SLAIN1: variants seen among roughly 807,000 people sequenced by gnomAD.
The protein encoded by SLAIN1 is SLAIN family member 1.
Under a neutral mutation model 55.4 loss-of-function variants are expected in SLAIN1, and 17 were observed. The observed-to-expected ratio is 0.31, with a 90% CI of 0.21 to 0.46. The LOEUF is 0.46. SLAIN1 is among the 20% of genes least tolerant of loss of function. The pLI is 1.00. For missense variants in SLAIN1, 682 were observed against 785.1 expected, an observed-to-expected ratio of 0.87 and a Z score of 1.57; for synonymous variants, 348 against 337.4, an observed-to-expected ratio of 1.03 and a Z score of -0.35.
chr13:77,739,756 C>T (rs893108034), intron 2 of SLAIN1, among the ~76,000 whole-genome samples: 8 of 152,004 alleles, frequency 5.3e-5, no homozygotes, highest in Non-Finnish European at 1.0e-4. Flanking sequence ...TCCTTAAACC[C>T]ATTCTGTCGT....
chr13:77,724,445 G>A (rs547181958), intron 2 of SLAIN1, among the ~76,000 whole-genome samples: 13 of 152,266 alleles, frequency 8.5e-5, no homozygotes, highest in African/African-American at 2.6e-4. Context: ...TGACCATCCC[G>A]AGTGTGATAA....
intron 2 of SLAIN1, among the ~76,000 whole-genome samples, chr13:77,743,637 T>C (rs1873608818): frequency 6.6e-6 from 1 of 151,622 alleles, no homozygotes; most frequent in Non-Finnish European, 1.5e-5. Context: ...TCCTATAGCC[T>C]TCTTCTATTT....
intron 6 of SLAIN1, among the ~76,000 whole-genome samples, chr13:77,761,713 G>A (rs1875035409): frequency 6.6e-6 from 1 of 152,136 alleles, no homozygotes; most frequent in Non-Finnish European, 1.5e-5. Flanking sequence ...GGTAAGTTCA[G>A]TATGGTCCAG....
intron 2 of SLAIN1, among the ~76,000 whole-genome samples, chr13:77,742,427 T>C (rs561916602): frequency 4.5e-4 from 69 of 152,098 alleles, no homozygotes; most frequent in Middle Eastern, 3.4e-3. Context: ...CCTCTGTTAC[T>C]CTGTACACTG....
At chr13:77,711,689 A>G (rs1415080714) in intron 1 of SLAIN1, among the ~76,000 whole-genome samples, 2 of 152,168 alleles carry the variant, frequency 1.3e-5, no homozygotes, top group Non-Finnish European at 2.9e-5. Flanking sequence ...TATTCCAAAC[A>G]ATAGAAAGAG....
chr13:77,747,799 G>T (rs1873939761), intron 4 of SLAIN1, among the ~76,000 whole-genome samples: 1 of 152,126 alleles, frequency 6.6e-6, no homozygotes, highest in South Asian at 2.1e-4. Flanking sequence ...GTTGCTGTCT[G>T]TGTCATTCGT....
chr13:77,701,754 CTTTA>C (rs201846236), intron 1 of SLAIN1, among the ~76,000 whole-genome samples: 47 of 148,716 alleles, frequency 3.2e-4, no homozygotes, highest in Admixed American at 9.4e-4. Flanking sequence ...TTCTTTCTTT[CTTTA>C]CTTATTTATT....
At chr13:77,703,315 T>A (rs186602150) in intron 1 of SLAIN1, among the ~76,000 whole-genome samples, 1 of 152,154 alleles carries the variant, frequency 6.6e-6, no homozygotes, top group East Asian at 1.9e-4. Flanking sequence ...GACAGCTGGC[T>A]AACATCATTG....
Position 77,698,287 on chromosome 13 carries a change from C to A in SLAIN1, c.374C>A (p.Thr125Asn), listed in dbSNP as rs2090994536. 1 of 1,431,846 alleles carries A rather than the reference C, an allele frequency of 7.0e-7. No individual in the cohort carries two copies. The highest frequency in any genetic ancestry group is 9.2e-7 in the Non-Finnish European group (1 of 1,092,364). The allele number at this position is 1,431,846 out of a possible 1,614,324, so 88.7% of individuals were successfully genotyped here. The part of the protein sequence containing the change: ...GGGSSPAFPG[T>N]FCLPSPAPSL... ...GGCTCCAGCCCCGCGTTCCCGGGCA[C>A]CTTCTGCCTGCCTAGCCCCGCGCCC... is the stretch of plus-strand genomic sequence containing the variant. The change falls in exon 1 of 7, where the codon ACC becomes AAC. Residue 125 changes from threonine to asparagine, a missense_variant. Physicochemically the swap from Thr to Asn is moderately conservative, Grantham distance 65. This residue lies in a region of SLAIN1 where 401 missense variants were observed against 417.3 expected (regional missense o/e 0.96). Transcript: ENST00000418532. The surrounding 1 kb of genome is among the most constrained non-coding windows in gnomAD (Gnocchi z 4.1).
chr13:77,760,922 T>G lies in SLAIN1; in HGVS notation c.1509T>G (p.Ser503Arg). 6.2e-7 allele frequency: 1 copy of G among 1,614,044 alleles called. No individual in the cohort carries two copies. Among genetic ancestry groups the G allele is most frequent in the Non-Finnish European group, 8.5e-7 (1 of 1,180,000 alleles). ...RQPLKATAYVSPTVQGSSNMP... is the reference protein window; with the variant it reads ...RQPLKATAYVRPTVQGSSNMP... Reference sequence around the variant, plus strand: ...CTCTTAAAGCCACAGCCTATGTGAGTCCAACCGTTCAAGGCAGCAGTAACA... The same window carrying G: ...CTCTTAAAGCCACAGCCTATGTGAGGCCAACCGTTCAAGGCAGCAGTAACA... The change falls in exon 6 of 7, where the codon AGT (serine) becomes AGG (arginine). Residue 503 changes from serine to arginine, a missense_variant. Transcript: ENST00000418532.
intron 2 of SLAIN1, chr13:77,741,060 C>T (rs1018490530): frequency 2.6e-5 from 17 of 658,148 alleles, no homozygotes; most frequent in Non-Finnish European, 3.2e-5. Context: ...GTCAATTGTG[C>T]AGGGAGGCTG....
chr13:77,698,097 C>T lies in SLAIN1; in HGVS notation c.184C>T (p.Leu62=), dbSNP rs2064420892. 1 of 1,145,080 alleles carries T rather than the reference C, an allele frequency of 8.7e-7. No individual in the cohort carries two copies. Among genetic ancestry groups the T allele is most frequent in the Non-Finnish European group, 1.1e-6 (1 of 941,712 alleles). The allele number at this position is 1,145,080 out of a possible 1,614,324, so 70.9% of individuals were successfully genotyped here. The part of the protein sequence containing the change: ...SAAAAPHLLL[L]PPPPPAAPPP... ...GGCCGCCGCCCCGCACCTGCTGCTG[C>T]TGCCGCCGCCGCCGCCCGCCGCGCC... Residue 62 remains leucine (L), a synonymous_variant, in exon 1 of 7, where the codon CTG becomes TTG. Coordinates refer to ENST00000418532, the MANE Select transcript of SLAIN1 (RefSeq NM_001242868.2). This position sits in a 1 kb window ranked among gnomAD's most constrained non-coding sequence, Gnocchi z 4.1.
intron 4 of SLAIN1, among the ~76,000 whole-genome samples, chr13:77,750,116 A>G (rs1307166378): frequency 6.6e-6 from 1 of 152,232 alleles, no homozygotes; most frequent in Non-Finnish European, 1.5e-5. Flanking sequence ...TCAGGAGATC[A>G]ATATGCATTT....
chr13:77,723,955 T>A (rs905421052), intron 2 of SLAIN1, among the ~76,000 whole-genome samples: 2 of 151,708 alleles, frequency 1.3e-5, no homozygotes, highest in African/African-American at 2.4e-5. Context: ...AAACACATCT[T>A]CTAAACTCTA....
chr13:77,706,701 C>A (rs1200983818), intron 1 of SLAIN1, among the ~76,000 whole-genome samples: 1 of 152,108 alleles, frequency 6.6e-6, no homozygotes, highest in East Asian at 1.9e-4. Context: ...TGGGGCACAG[C>A]CTTCAATAGC....
In SLAIN1 at chr13:77,746,694, C is replaced by T. The variant is rs140798798; in HGVS notation, c.1097C>T (p.Pro366Leu). 1,964 of 1,613,824 alleles carry T rather than the reference C, an allele frequency of 1.2e-3. 4 individuals carry two copies. The highest frequency in any genetic ancestry group is 1.5e-3 in the Non-Finnish European group (1,822 of 1,179,828). ...CAGCCTCGTCTTCCAAGATGTTCCCCTTTCCAAAGAGGAATTCCCCATTCA... is the reference window on the plus strand; with the variant it reads ...CAGCCTCGTCTTCCAAGATGTTCCCTTTTCCAAAGAGGAATTCCCCATTCA... ...PPQPRLPRCS[P>L]FQRGIPHSQT... Residue 366 changes from proline (P) to leucine (L), a missense_variant, in exon 4 of 7, where the codon CCT becomes CTT. Around this residue, in one of 3 missense-constraint regions of SLAIN1, gnomAD observed 244 missense variants for 295.2 expected, o/e 0.83. Transcript: ENST00000418532.
chr13:77,698,256 G>T lies in SLAIN1; in HGVS notation c.343G>T (p.Gly115Cys). 7.2e-7 allele frequency: 1 copy of T among 1,393,804 alleles called. No homozygotes were observed. Among genetic ancestry groups the T allele is most frequent in the South Asian group, 1.5e-5 (1 of 67,822 alleles). The allele number at this position is 1,393,804 out of a possible 1,614,324, so 86.3% of individuals were successfully genotyped here. Residue 115 changes from glycine (G) to cysteine (C), a missense_variant, in exon 1 of 7, where the codon GGC becomes TGC. By Grantham distance (159) the Gly-to-Cys change is radical. This residue lies in a region of SLAIN1 where 401 missense variants were observed against 417.3 expected (regional missense o/e 0.96). Coordinates refer to ENST00000418532, the MANE Select transcript of SLAIN1 (RefSeq NM_001242868.2). This position sits in a 1 kb window ranked among gnomAD's most constrained non-coding sequence, Gnocchi z 4.1. Reference sequence around the variant, plus strand: ...CGGTGGCGGCAGCGGTAGTGGCAGCGGCGGTGGCTCCAGCCCCGCGTTCCC... The same window carrying T: ...CGGTGGCGGCAGCGGTAGTGGCAGCTGCGGTGGCTCCAGCCCCGCGTTCCC... ...GGGGGSGSGS[G>C]GGSSPAFPGT...
At chr13:77,750,665 A>G (rs766658201) in intron 4 of SLAIN1, among the ~76,000 whole-genome samples, 1 of 152,198 alleles carries the variant, frequency 6.6e-6, no homozygotes, top group Non-Finnish European at 1.5e-5. Flanking sequence ...AATAGGCATC[A>G]AGAAGATAAT....
intron 4 of SLAIN1, among the ~76,000 whole-genome samples, chr13:77,749,618 C>T (rs1440421832): frequency 2.0e-5 from 3 of 152,180 alleles, no homozygotes; most frequent in African/African-American, 7.2e-5. Flanking sequence ...CTTCCAGTTT[C>T]CTGCTGCATC....
Sources: gnomAD v4.1 joint callset for allele counts (sites outside exome capture counted in the v4.1 genomes callset) on GRCh38, gnomAD v4.1.1 for gene constraint, gnomAD v4.1.1 regional missense constraint, Gnocchi (gnomAD v3.1) non-coding constraint, MANE v1.5 for transcripts, NCBI Gene and HGNC (gene_info 2026-07-23, HGNC 2026-07-21) for gene names.